The following TDRD7 variants were observed in gnomAD, a reference collection of about 807,000 sequenced individuals.
TDRD7 encodes tudor domain containing 7.
A neutral mutation model predicts 109.8 loss-of-function variants in TDRD7; 47 were observed. That is an observed-to-expected ratio of 0.43 (90% CI 0.34 to 0.55). TDRD7 has a LOEUF of 0.55. Ranked by LOEUF, TDRD7 falls within the 20% of genes least tolerant of loss-of-function variation. The probability of loss-of-function intolerance (pLI) is 0.03; values close to 1 mark genes in which losing one functional copy is unlikely to be tolerated. For synonymous variants in TDRD7, 424 were observed against 457.3 expected, an observed-to-expected ratio of 0.93 and a Z score of 0.93; for missense variants, 1,164 against 1,319.2, an observed-to-expected ratio of 0.88 and a Z score of 1.82.
intron 4 of TDRD7, among the ~76,000 whole-genome samples, chr9:97,433,250 A>G (rs1828135767): frequency 6.6e-6 from 1 of 152,000 alleles, no homozygotes; most frequent in Non-Finnish European, 1.5e-5. Context: ...AGTTGGTACT[A>G]ATTTTTTATA....
intron 6 of TDRD7, 88 bp downstream of exon 6, chr9:97,441,963 C>A: frequency 1.8e-6 from 2 of 1,116,136 alleles, no homozygotes; most frequent in Middle Eastern, 2.0e-4. Flanking sequence ...CCTTTTATCC[C>A]CAGAAGACAA....
At chr9:97,456,616 C>T (rs1828616315) in intron 6 of TDRD7, among the ~76,000 whole-genome samples, 1 of 152,152 alleles carries the variant, frequency 6.6e-6, no homozygotes, top group Admixed American at 6.5e-5. Context: ...AACTGGCTAG[C>T]CATATTCAGA....
intron 4 of TDRD7, among the ~76,000 whole-genome samples, chr9:97,436,437 A>G (rs1368291307): frequency 6.6e-6 from 1 of 152,064 alleles, no homozygotes; most frequent in Non-Finnish European, 1.5e-5. Context: ...TAATTTTTCT[A>G]TTGGCTCTTT....
At chr9:97,492,909 G>C (rs1227427528) in intron 16 of TDRD7, among the ~76,000 whole-genome samples, 1 of 152,262 alleles carries the variant, frequency 6.6e-6, no homozygotes, top group African/African-American at 2.4e-5. Flanking sequence ...CCACTAGAGA[G>C]AAGCGAGGTA....
chr9:97,466,393 T>C (rs1486614277), intron 8 of TDRD7, among the ~76,000 whole-genome samples: 2 of 152,164 alleles, frequency 1.3e-5, no homozygotes, highest in Non-Finnish European at 2.9e-5. Flanking sequence ...TTAAGTAATT[T>C]GACTGACTTT....
At chr9:97,470,093 G>A (rs1828885617) in intron 8 of TDRD7, among the ~76,000 whole-genome samples, 1 of 152,194 alleles carries the variant, frequency 6.6e-6, no homozygotes, top group Non-Finnish European at 1.5e-5. Context: ...TGGGGATTTA[G>A]AATCTGATAA....
chr9:97,493,372 C>T (rs1236715083), intron 16 of TDRD7, among the ~76,000 whole-genome samples: 2 of 151,976 alleles, frequency 1.3e-5, no homozygotes, highest in East Asian at 1.9e-4. Context: ...CGTGATGCCC[C>T]CTAAGCCGTA....
At chr9:97,451,882 C>G (rs1212925612) in intron 6 of TDRD7, among the ~76,000 whole-genome samples, 1 of 152,168 alleles carries the variant, frequency 6.6e-6, no homozygotes, top group Admixed American at 6.5e-5. Context: ...GGGAGACCCC[C>G]CCACCCATTT....
In TDRD7 at chr9:97,441,336, C is replaced by T. The variant is rs1036011157; in HGVS notation, c.638-322C>T. On this transcript the variant is annotated intron_variant, in intron 5 of 16. Coordinates refer to ENST00000355295, the MANE Select transcript of TDRD7 (RefSeq NM_014290.3). ...GCAATCTTCCTCAGCAGGTAGAAAA[C>T]GGTTGGTTAAATAATTTAATTATTC... Among the ~76,000 whole-genome samples, 5 of 151,982 alleles carry T rather than the reference C, an allele frequency of 3.3e-5. No individual in the cohort carries two copies. The East Asian group carries it at 7.7e-4, about 23-fold the overall frequency.
At chr9:97,447,774 G>A (rs1403867685) in intron 6 of TDRD7, among the ~76,000 whole-genome samples, 1 of 152,172 alleles carries the variant, frequency 6.6e-6, no homozygotes, top group Non-Finnish European at 1.5e-5. Flanking sequence ...CACATTGAAA[G>A]CCACAGCTAC....
chr9:97,428,121 T>C (rs2118277977), intron 1 of TDRD7, among the ~76,000 whole-genome samples: 1 of 152,268 alleles, frequency 6.6e-6, no homozygotes, highest in Middle Eastern at 3.4e-3. Context: ...GTTCCCTTCC[T>C]TGGGCTGATA....
chr9:97,459,538 G>A (rs909568443), intron 6 of TDRD7, among the ~76,000 whole-genome samples: 2 of 152,122 alleles, frequency 1.3e-5, no homozygotes, highest in Admixed American at 1.3e-4. Context: ...ATGTCATCAA[G>A]CTGTGCCTCT....
At chr9:97,493,571 C>T (rs62557551) in intron 16 of TDRD7, among the ~76,000 whole-genome samples, 5,329 of 152,272 alleles carry the variant, frequency 0.035, 102 homozygotes, top group African/African-American at 0.058. Context: ...CACACGTTGT[C>T]ATTGATAACA....
chr9:97,471,475 T>C (rs893873980), intron 9 of TDRD7, among the ~76,000 whole-genome samples: 1 of 152,176 alleles, frequency 6.6e-6, no homozygotes, highest in African/African-American at 2.4e-5. Context: ...AAAGAACGTA[T>C]CAAGGGCATA....
intron 4 of TDRD7, among the ~76,000 whole-genome samples, chr9:97,432,591 G>A (rs148713090): frequency 7.0e-4 from 107 of 152,230 alleles, no homozygotes; most frequent in African/African-American, 2.3e-3. Flanking sequence ...ACACTCCACT[G>A]TGCTGCAAAT....
chr9:97,443,420 C>T (rs1360865463), intron 6 of TDRD7, among the ~76,000 whole-genome samples: 2 of 152,180 alleles, frequency 1.3e-5, no homozygotes, highest in East Asian at 3.8e-4. Flanking sequence ...AATTAATATT[C>T]GTAAGAATGT....
At chr9:97,479,553 C>CT (rs775985130) in intron 13 of TDRD7, among the ~76,000 whole-genome samples, 35 of 150,220 alleles carry the variant, frequency 2.3e-4, no homozygotes, top group East Asian at 5.8e-4. Flanking sequence ...AATCACTAAA[C>CT]TTTTTTTTTT....
chr9:97,460,882 C>T, intron 7 of TDRD7, 118 bp downstream of exon 7: 1 of 947,126 alleles, frequency 1.1e-6, no homozygotes, highest in South Asian at 1.4e-5. Flanking sequence ...TGGCTCACAC[C>T]TGTAATCCCA....
At chr9:97,445,799 C>A (rs924536759) in intron 6 of TDRD7, among the ~76,000 whole-genome samples, 2 of 152,130 alleles carry the variant, frequency 1.3e-5, no homozygotes, top group African/African-American at 4.8e-5. Context: ...ACCCAGGATC[C>A]ATGGCCTCTG....
Sources: gnomAD v4.1 joint callset for allele counts (sites outside exome capture counted in the v4.1 genomes callset) on GRCh38, gnomAD v4.1.1 for gene constraint, MANE v1.5 for transcripts, NCBI Gene and HGNC (gene_info 2026-07-23, HGNC 2026-07-21) for gene names.